Variants in DIPK2B observed in about 807,000 individuals in gnomAD.
DIPK2B encodes the protein divergent protein kinase domain 2B, also known as UPF0672 protein CXorf36.
DIPK2B carries 15 observed loss-of-function variants against 22.2 expected under a neutral mutation model. That is an observed-to-expected ratio of 0.68 (90% CI 0.45 to 1.04). DIPK2B has a LOEUF of 1.04. Ranked by LOEUF, DIPK2B falls within the 50% of genes least tolerant of loss-of-function variation. The probability of loss-of-function intolerance (pLI) is 0.00; values close to 1 mark genes in which losing one functional copy is unlikely to be tolerated. For missense variants in DIPK2B, 345 were observed against 348.3 expected (o/e 0.99, Z 0.08); for synonymous variants, 163 against 153.2 (o/e 1.06, Z -0.47).
chrX:45,165,660 T>C (rs1034394986), intron 2 of DIPK2B, among the ~76,000 whole-genome samples: 2 of 111,330 alleles, frequency 1.8e-5, no homozygotes, highest in African/African-American at 6.5e-5. Flanking sequence ...TCAGTGAAGA[T>C]ACTGTCAAGC....
At chrX:45,188,087 C>T (rs2047193509) in intron 2 of DIPK2B, among the ~76,000 whole-genome samples, 1 of 111,712 alleles carries the variant, frequency 9.0e-6, no homozygotes, top group African/African-American at 3.3e-5. Context: ...AACCACGCAT[C>T]CTATAATAGC....
rs143817529 is a variant in DIPK2B at position 45,151,773 on chromosome X, C to A, written c.1181G>T (p.Arg394Leu). ...GGCCCCAAGGACTTCTGGGTCTGGG[C>A]GGATGCTGTCCCCACACTGAACAAG... is the stretch of plus-strand genomic sequence containing the variant. Reference protein sequence around the residue: ...SILVQCGDSIRPDPEVLGAAS... With the variant: ...SILVQCGDSILPDPEVLGAAS... The change falls in exon 5 of 5, where the codon CGC becomes CTC. Residue 394 changes from arginine to leucine, a missense_variant. Coordinates refer to ENST00000398000, the MANE Select transcript of DIPK2B (RefSeq NM_176819.4). 7.2e-3 allele frequency: 8,730 copies of A among 1,210,171 alleles called. 440 individuals carry two copies. The African/African-American group carries it at 0.14, about 19-fold the overall frequency.
chrX:45,188,902 A>T (rs1484680583), intron 2 of DIPK2B, among the ~76,000 whole-genome samples: 1 of 111,797 alleles, frequency 8.9e-6, no homozygotes, highest in Non-Finnish European at 1.9e-5. Context: ...CCTATGTTGT[A>T]GTATGTATCA....
chrX:45,153,101 AG>A (rs1310559972), intron 4 of DIPK2B, among the ~76,000 whole-genome samples: 3 of 112,240 alleles, frequency 2.7e-5, no homozygotes, highest in Non-Finnish European at 3.8e-5. Flanking sequence ...TTTTTAATAA[AG>A]GCAAATCAGG....
At chrX:45,185,653 C>CTTT (rs147218566) in intron 2 of DIPK2B, among the ~76,000 whole-genome samples, 2 of 86,458 alleles carry the variant, frequency 2.3e-5, no homozygotes, top group Admixed American at 1.3e-4. Context: ...CTTTTCTTTT[C>CTTT]TTTTTTTTTT....
At chrX:45,157,574 C>T (rs954698333) in intron 3 of DIPK2B, 141 bp downstream of exon 3, 4 of 608,106 alleles carry the variant, frequency 6.6e-6, no homozygotes, top group African/African-American at 4.6e-5. Context: ...ACTGCAGAAG[C>T]CAACACATGC....
At chrX:45,190,537 C>T (rs754099503) in intron 2 of DIPK2B, among the ~76,000 whole-genome samples, 3 of 111,912 alleles carry the variant, frequency 2.7e-5, no homozygotes, top group East Asian at 2.8e-4. Flanking sequence ...CTGAGCCACA[C>T]GCTTCTGGGG....
Position 45,150,503 on chromosome X carries a change from G to C in DIPK2B, c.*1149C>G, listed in dbSNP as rs2046954523. The C allele has an allele frequency of 8.9e-6, 1 of 112,078 alleles. No homozygotes were observed. Among genetic ancestry groups the C allele is most frequent in the African/African-American group, 3.2e-5 (1 of 30,841 alleles). The allele number at this position is 112,078 out of a possible 1,213,427, so 9.2% of individuals were successfully genotyped here. On this transcript the variant is annotated 3_prime_UTR_variant, in exon 5 of 5. Transcript: ENST00000398000. ...AGAGTCCCAACTCGGAGCATGCGGT[G>C]TGGAGAGAGCTGGTCCAGGGCCTCA...
In DIPK2B at chrX:45,151,953, A is replaced by G; in HGVS notation, c.1001T>C (p.Ile334Thr). The stretch of plus-strand genomic sequence containing the variant: ...GCAGCCGGAAACCAGGCAGCTAAAA[A>G]TGTCTTTATTCTCTCCTGCCCTGTT... ...EANRAGENKD[I>T]FSCLVSGCQA... Residue 334 changes from isoleucine (I) to threonine (T), a missense_variant, in exon 5 of 5, where the codon ATT (isoleucine) becomes ACT (threonine). Coordinates refer to ENST00000398000, the MANE Select transcript of DIPK2B (RefSeq NM_176819.4). The G allele has an allele frequency of 7.6e-6, 9 of 1,190,272 alleles. No homozygotes were observed. Among genetic ancestry groups the G allele is most frequent in the Non-Finnish European group, 9.0e-6 (8 of 884,069 alleles).
intron 2 of DIPK2B, among the ~76,000 whole-genome samples, chrX:45,166,607 C>T (rs1482190020): frequency 1.8e-5 from 2 of 111,967 alleles, no homozygotes; most frequent in African/African-American, 6.5e-5. Context: ...GCCCATCTTC[C>T]ATCTTAATTG....
chrX:45,176,964 T>A (rs1258141702), intron 2 of DIPK2B, among the ~76,000 whole-genome samples: 1 of 111,633 alleles, frequency 9.0e-6, no homozygotes, highest in African/African-American at 3.3e-5. Context: ...CCACGGAGTA[T>A]GAACTGTGGG....
At chrX:45,197,192 T>A (rs937198018) in intron 1 of DIPK2B, among the ~76,000 whole-genome samples, 1 of 69,295 alleles carries the variant, frequency 1.4e-5, no homozygotes, top group Admixed American at 1.3e-4. Flanking sequence ...AGTAATCACC[T>A]TTTTTTTTTT....
chrX:45,155,510 G>A (rs1465062571), intron 3 of DIPK2B, among the ~76,000 whole-genome samples: 1 of 108,577 alleles, frequency 9.2e-6, no homozygotes, highest in Non-Finnish European at 1.9e-5. Context: ...AAATCATAAG[G>A]GTGGTCTGTG....
chrX:45,161,734 A>G (rs2047023720), intron 2 of DIPK2B, among the ~76,000 whole-genome samples: 1 of 112,211 alleles, frequency 8.9e-6, no homozygotes, highest in South Asian at 3.7e-4. Context: ...AGCAGAATAT[A>G]CAAGTCTTGG....
chrX:45,170,746 G>A (rs2047076672), intron 2 of DIPK2B, among the ~76,000 whole-genome samples: 1 of 112,441 alleles, frequency 8.9e-6, no homozygotes. Context: ...AAGAAAGGAT[G>A]GCTTTTCTAG....
At chrX:45,164,279 A>C (rs1281940536) in intron 2 of DIPK2B, 1 of 1,181,618 alleles carries the variant, frequency 8.5e-7, no homozygotes, top group East Asian at 3.0e-5. Flanking sequence ...GATTAAAAAA[A>C]GGCTTCAAAA....
In DIPK2B at chrX:45,175,511, C is replaced by T. The variant is rs188141400; in HGVS notation, c.498+16240G>A. Among the ~76,000 whole-genome samples, 8 of 107,822 alleles carry T rather than the reference C, an allele frequency of 7.4e-5. No homozygotes were observed. The East Asian group carries it at 2.4e-3, about 32-fold the overall frequency. The allele number at this position is 107,822 out of a possible 115,157, so 93.6% of individuals were successfully genotyped here. A position where few individuals can be genotyped will look rare whatever the true frequency, so the allele number is the denominator to read the frequency against. ...ACACCAATGTGTTAACAGTGGTTGC[C>T]TCTGTGGCAACCCAGTGGTGAGTTA... On this transcript the variant is annotated intron_variant, in intron 2 of 4. Transcript: ENST00000398000.
At chrX:45,170,505 C>T (rs1439707338) in intron 2 of DIPK2B, among the ~76,000 whole-genome samples, 4 of 112,342 alleles carry the variant, frequency 3.6e-5, no homozygotes, top group African/African-American at 1.3e-4. Context: ...TGTGACTTGG[C>T]CAGTGTGAAT....
At chrX:45,156,384 G>A (rs2046996003) in intron 3 of DIPK2B, among the ~76,000 whole-genome samples, 1 of 111,849 alleles carries the variant, frequency 8.9e-6, no homozygotes, top group African/African-American at 3.3e-5. Context: ...CCCTTCCTGG[G>A]CAGAGCCCAG....
Sources: gnomAD v4.1 joint callset for allele counts (sites outside exome capture counted in the v4.1 genomes callset) on GRCh38, gnomAD v4.1.1 for gene constraint, MANE v1.5 for transcripts, NCBI Gene and HGNC (gene_info 2026-07-23, HGNC 2026-07-21) for gene names.